SEMA6D: variants seen among roughly 807,000 people sequenced by gnomAD.
SEMA6D encodes the protein semaphorin-6D.
SEMA6D carries 35 observed loss-of-function variants against 106.6 expected under a neutral mutation model. That is an observed-to-expected ratio of 0.33 (90% CI 0.25 to 0.44). The LOEUF (loss-of-function observed/expected upper bound fraction) is 0.44. Ranked by LOEUF, SEMA6D falls within the 20% of genes least tolerant of loss-of-function variation. SEMA6D has a pLI of 1.00. For synonymous variants in SEMA6D, 499 were observed against 487.7 expected, an observed-to-expected ratio of 1.02 and a Z score of -0.31; for missense variants, 1,185 against 1,345.9, an observed-to-expected ratio of 0.88 and a Z score of 1.87.
At chr15:47,304,740 T>G (rs2036169454) in intron 1 of SEMA6D, among the ~76,000 whole-genome samples, 1 of 152,134 alleles carries the variant, frequency 6.6e-6, no homozygotes, top group African/African-American at 2.4e-5. Context: ...TTTTCCTAAA[T>G]TGCATTGAGT....
intron 1 of SEMA6D, among the ~76,000 whole-genome samples, chr15:47,739,941 A>T (rs1289437451): frequency 6.6e-6 from 1 of 152,244 alleles, no homozygotes; most frequent in African/African-American, 2.4e-5. Flanking sequence ...TTAAGTCTAC[A>T]ACCCTGGAAA....
rs2143017756 is a variant in SEMA6D at position 47,309,946 on chromosome 15, C to T, written c.-238-102447C>T. Reference sequence around the variant, plus strand: ...AGTTGAACCATTGTTAAGTTGGGGACTGTCTGGATATCATTCTTGAGGAGA... The same window carrying T: ...AGTTGAACCATTGTTAAGTTGGGGATTGTCTGGATATCATTCTTGAGGAGA... On this transcript the variant is annotated intron_variant, in intron 1 of 19. Transcript: ENST00000558014. Among the ~76,000 whole-genome samples the T allele has an allele frequency of 2.0e-5, 3 of 152,330 alleles. 1 individual carries two copies. In the Middle Eastern group the frequency reaches 0.01, roughly 518 times the overall value.
chr15:47,548,592 T>C (rs1389736655), intron 3 of SEMA6D, among the ~76,000 whole-genome samples: 1 of 152,132 alleles, frequency 6.6e-6, no homozygotes, highest in Non-Finnish European at 1.5e-5. Context: ...TGAACACTCT[T>C]AGGACAGAAC....
chr15:47,284,043 G>T (rs1039565481), intron 1 of SEMA6D, among the ~76,000 whole-genome samples: 3 of 152,070 alleles, frequency 2.0e-5, no homozygotes, highest in Non-Finnish European at 4.4e-5. Flanking sequence ...TTGAAGAGCC[G>T]AGATCCTAGG....
At chr15:47,290,536 T>C (rs2035552064) in intron 1 of SEMA6D, among the ~76,000 whole-genome samples, 1 of 152,106 alleles carries the variant, frequency 6.6e-6, no homozygotes, top group Non-Finnish European at 1.5e-5. Flanking sequence ...AAACTTTAAA[T>C]ACATATAAAT....
At chr15:47,494,939 G>GT (rs1420102033) in intron 3 of SEMA6D, among the ~76,000 whole-genome samples, 1 of 150,836 alleles carries the variant, frequency 6.6e-6, no homozygotes, top group Non-Finnish European at 1.5e-5. Context: ...GAGAAATGCA[G>GT]TTTTTTGTGG....
At chr15:47,703,166 T>C (rs2078847688) in intron 4 of SEMA6D, among the ~76,000 whole-genome samples, 1 of 152,190 alleles carries the variant, frequency 6.6e-6, no homozygotes, top group South Asian at 2.1e-4. Flanking sequence ...TCCAAAAGAA[T>C]TTCTATAATC....
At chr15:47,670,197 C>T (rs1425939262) in intron 4 of SEMA6D, among the ~76,000 whole-genome samples, 3 of 152,190 alleles carry the variant, frequency 2.0e-5, no homozygotes, top group South Asian at 2.1e-4. Flanking sequence ...CTTAACTTCC[C>T]ATAAATACTG....
chr15:47,219,650 G>T lies in SEMA6D; in HGVS notation c.-239+35232G>T, dbSNP rs1482293644. On this transcript the variant is annotated intron_variant, in intron 1 of 19. Transcript: ENST00000558014. ...TTTTATGCTACCCACCTTCCTTACT[G>T]TATTATTTGCTAAACTGGGGCTAGA... 4.7e-4 allele frequency among the ~76,000 whole-genome samples: 72 copies of T among 152,152 alleles called. 1 individual carries two copies. The highest frequency in any genetic ancestry group is 2.9e-5 in the Non-Finnish European group (2 of 68,010).
At position 47,770,786 on chromosome 15, in the gene SEMA6D, G is replaced by A; in HGVS notation, c.2223G>A (p.Leu741=). The change falls in exon 19 of 19, where the codon CTG becomes CTA. Residue 741 remains leucine (L), a synonymous_variant. Coordinates refer to ENST00000536845, the MANE Select transcript of SEMA6D (RefSeq NM_001358351.3). Reference sequence around the variant, plus strand: ...ATTCTCCTAAACTGTATAGTAACCTGCTAACCAGTCGGAAAGAGCTACCAC... The same window carrying A: ...ATTCTCCTAAACTGTATAGTAACCTACTAACCAGTCGGAAAGAGCTACCAC... The part of the protein sequence containing the change: ...NIDSPKLYSN[L]LTSRKELPPN... The A allele has an allele frequency of 6.2e-7, 1 of 1,614,028 alleles. No homozygotes were observed. Among genetic ancestry groups the A allele is most frequent in the South Asian group, 1.1e-5 (1 of 91,074 alleles).
intron 4 of SEMA6D, among the ~76,000 whole-genome samples, chr15:47,613,570 C>A (rs2076951299): frequency 6.6e-6 from 1 of 152,094 alleles, no homozygotes; most frequent in Admixed American, 6.5e-5. Flanking sequence ...ATGGTGCTTA[C>A]AGGACAAATT....
intron 1 of SEMA6D, among the ~76,000 whole-genome samples, chr15:47,269,700 G>C (rs1246199447): frequency 6.6e-6 from 1 of 152,016 alleles, no homozygotes; most frequent in Non-Finnish European, 1.5e-5. Flanking sequence ...TCACTGACAA[G>C]ACATATGGAA....
chr15:47,552,906 A>T (rs1451683989), intron 3 of SEMA6D, among the ~76,000 whole-genome samples: 170 of 41,296 alleles, frequency 4.1e-3, no homozygotes, highest in South Asian at 6.8e-3. Context: ...ATATATATAT[A>T]AATATATATA....
At chr15:47,535,538 A>C (rs1479619067) in intron 3 of SEMA6D, among the ~76,000 whole-genome samples, 1 of 152,140 alleles carries the variant, frequency 6.6e-6, no homozygotes, top group Non-Finnish European at 1.5e-5. Flanking sequence ...CAATTCAACA[A>C]GTACTTTTTA....
intron 1 of SEMA6D, among the ~76,000 whole-genome samples, chr15:47,328,362 C>T (rs533203609): frequency 5.9e-5 from 9 of 152,252 alleles, no homozygotes; most frequent in African/African-American, 2.2e-4. Context: ...AGCTTGGAAC[C>T]TGTTCCTGAA....
At chr15:47,249,073 C>T (rs1026889643) in intron 1 of SEMA6D, among the ~76,000 whole-genome samples, 3 of 152,042 alleles carry the variant, frequency 2.0e-5, no homozygotes, top group African/African-American at 7.2e-5. Context: ...ACTAAAAATA[C>T]AAACATTAGC....
chr15:47,254,540 T>C (rs2033696407), intron 1 of SEMA6D, among the ~76,000 whole-genome samples: 1 of 151,882 alleles, frequency 6.6e-6, no homozygotes, highest in Non-Finnish European at 1.5e-5. Context: ...GCTTTTGATA[T>C]TAGTTGTGTG....
At chr15:47,272,974 T>C (rs1341105362) in intron 1 of SEMA6D, 1 of 152,200 alleles carries the variant, frequency 6.6e-6, no homozygotes, top group Non-Finnish European at 1.5e-5. Flanking sequence ...ACCTGTAAGT[T>C]TGCAGGAATT....
intron 1 of SEMA6D, among the ~76,000 whole-genome samples, chr15:47,264,045 G>A (rs901808637): frequency 6.6e-6 from 1 of 151,702 alleles, no homozygotes; most frequent in Non-Finnish European, 1.5e-5. Context: ...GTCCTTTGCA[G>A]CAACATGGAT....
Sources: gnomAD v4.1 joint callset for allele counts (sites outside exome capture counted in the v4.1 genomes callset) on GRCh38, gnomAD v4.1.1 for gene constraint, MANE v1.5 for transcripts, NCBI Gene and HGNC (gene_info 2026-07-23, HGNC 2026-07-21) for gene names.